Variants in ATG4D observed in about 807,000 individuals in gnomAD.
ATG4D encodes the protein autophagy related 4D cysteine peptidase, also known as cysteine protease ATG4D.
A neutral mutation model predicts 55.2 loss-of-function variants in ATG4D; 51 were observed. The observed-to-expected ratio is 0.92, with a 90% CI of 0.74 to 1.17. The LOEUF (loss-of-function observed/expected upper bound fraction) is 1.17. Among genes scored for constraint, ATG4D ranks in the 50% most tolerant of loss-of-function variants. The pLI is 0.00. For missense variants in ATG4D, 635 were observed against 649.6 expected, an observed-to-expected ratio of 0.98 and a Z score of 0.25; for synonymous variants, 268 against 266.2, an observed-to-expected ratio of 1.01 and a Z score of -0.07.
rs1915991552 is a variant in ATG4D, at chr19:10,545,084, C to G, written c.447C>G (p.Gly149=). The G allele has an allele frequency of 2.5e-6, 4 of 1,612,714 alleles. No homozygotes were observed. The Admixed American group carries it at 5.0e-5, about 20-fold the overall frequency. The change falls in exon 3 of 10, where the codon GGC becomes GGG. Residue 149 remains glycine, a synonymous_variant. Transcript: ENST00000309469. Reference sequence around the variant, plus strand: ...GCTGGGGGTGCATGTTACGCAGCGGCCAGATGATGCTGGCACAGGGCCTTC... The same window carrying G: ...GCTGGGGGTGCATGTTACGCAGCGGGCAGATGATGCTGGCACAGGGCCTTC... The part of the protein sequence containing the change: ...DCGWGCMLRS[G]QMMLAQGLLL...
chr19:10,549,946 GA>G (rs1225082542), intron 6 of ATG4D, among the ~76,000 whole-genome samples: 8 of 152,158 alleles, frequency 5.3e-5, no homozygotes, highest in Non-Finnish European at 7.3e-5. Context: ...AGCACTTTGG[GA>G]GGCCGAGGCA....
chr19:10,547,209 CCGA>C lies in ATG4D; in HGVS notation c.794_796del (p.Asp265del). On this transcript the variant is annotated inframe_deletion, in exon 5 of 10. Transcript: ENST00000309469. ...CCCAGGAAAGCCGTGGAGAGCTGCT[CCGA>C]CGTCACCCGCCTGGTGGTGTACGTT... The C allele has an allele frequency of 6.2e-7, 1 of 1,614,012 alleles. No individual in the cohort carries two copies. The highest frequency in any genetic ancestry group is 1.1e-5 in the South Asian group (1 of 91,072).
Position 10,544,968 on chromosome 19 carries a change from C to G in ATG4D, c.331C>G (p.Arg111Gly), listed in dbSNP as rs1347167708. Reference sequence around the variant, plus strand: ...ACCCGCTCTTGTAGGTGACATACAGCGTTTCCAGCGGGACTTTGTGTCCCG... The same window carrying G: ...ACCCGCTCTTGTAGGTGACATACAGGGTTTCCAGCGGGACTTTGTGTCCCG... ...YRFEGEGDIQ[R>G]FQRDFVSRLW... The change falls in exon 3 of 10, where the codon CGT becomes GGT. Residue 111 changes from arginine (R) to glycine (G), a missense_variant. Physicochemically the swap from Arg to Gly is moderately radical, Grantham distance 125. Transcript: ENST00000309469. 3 of 1,590,572 alleles carry G rather than the reference C, an allele frequency of 1.9e-6. No individual in the cohort carries two copies. The highest frequency in any genetic ancestry group is 2.7e-5 in the African/African-American group (2 of 74,444).
intron 1 of ATG4D, 188 bp from the exon 2 acceptor site, chr19:10,544,595 C>T: frequency 1.6e-6 from 2 of 1,224,418 alleles, no homozygotes; most frequent in Admixed American, 3.1e-5. Context: ...AACTACCTTC[C>T]TTCATCCTGA....
Position 10,552,236 on chromosome 19 carries a change from C to T in ATG4D, c.1154C>T (p.Ala385Val), listed in dbSNP as rs1360325923. 1.2e-6 allele frequency: 2 copies of T among 1,613,316 alleles called. No homozygotes were observed. Among genetic ancestry groups the T allele is most frequent in the Non-Finnish European group, 8.5e-7 (1 of 1,180,030 alleles). Residue 385 changes from alanine to valine, a missense_variant, in exon 9 of 10, where the codon GCC (alanine) becomes GTC (valine). Ala to Val is a moderately conservative substitution (Grantham distance 64). Coordinates refer to ENST00000309469, the MANE Select transcript of ATG4D (RefSeq NM_032885.6). ...SFHCTSPRKM[A>V]FAKMDPSCTV... is the part of the protein sequence containing the mutation. The stretch of plus-strand genomic sequence containing the variant: ...CACTGCACCTCGCCCCGCAAGATGG[C>T]CTTTGCCAAGATGGACCCAAGCTGT...
intron 9 of ATG4D, among the ~76,000 whole-genome samples, 179 bp downstream of exon 9, chr19:10,552,503 G>A (rs1916302932): frequency 2.0e-5 from 3 of 152,214 alleles, no homozygotes; most frequent in South Asian, 2.1e-4. Context: ...AAAGCCCACT[G>A]TTAAGGCATC....
chr19:10,551,568 C>T (rs1393035458), intron 6 of ATG4D, among the ~76,000 whole-genome samples: 3 of 151,882 alleles, frequency 2.0e-5, no homozygotes, highest in Non-Finnish European at 2.9e-5. Context: ...GGTGTGGTGG[C>T]GGGTGCCTGT....
At position 10,544,169 on chromosome 19, in the gene ATG4D, A is replaced by G. The variant is rs1010435225; in HGVS notation, c.79A>G (p.Arg27Gly). ...EDARRRPEAR[R>G]PRGPRGPDPN... ...CGCGCGCCGCCGGCCCGAGGCCCGCAGGCCGCGGGGTCCCAGAGGCCCAGA... is the reference window on the plus strand; with the variant it reads ...CGCGCGCCGCCGGCCCGAGGCCCGCGGGCCGCGGGGTCCCAGAGGCCCAGA... Residue 27 changes from arginine (R) to glycine (G), a missense_variant, in exon 1 of 10, where the codon AGG becomes GGG. Arg to Gly is a moderately radical substitution (Grantham distance 125). Transcript: ENST00000309469. 2 of 1,245,282 alleles carry G rather than the reference A, an allele frequency of 1.6e-6. No homozygotes were observed. Among genetic ancestry groups the G allele is most frequent in the East Asian group, 3.2e-5 (1 of 31,610 alleles). 77.1% of individuals were successfully genotyped at this position (1,245,282 alleles called of 1,614,324 possible).
chr19:10,550,879 T>TTC (rs902770766), intron 6 of ATG4D, among the ~76,000 whole-genome samples: 4 of 151,872 alleles, frequency 2.6e-5, no homozygotes, highest in African/African-American at 9.7e-5. Flanking sequence ...TCCTGGCTAA[T>TTC]TTTTGTATTT....
At position 10,553,156 on chromosome 19, in the gene ATG4D, A is replaced by G; in HGVS notation, c.*89A>G. The G allele has an allele frequency of 1.4e-6, 2 of 1,425,788 alleles. No homozygotes were observed. The highest frequency in any genetic ancestry group is 1.9e-6 in the Non-Finnish European group (2 of 1,074,154). The allele number at this position is 1,425,788 out of a possible 1,614,324, so 88.3% of individuals were successfully genotyped here. On this transcript the variant is annotated 3_prime_UTR_variant, in exon 10 of 10. Transcript: ENST00000309469. ...GGGATCTTGAGCTCTGGCAGTGATG[A>G]TGGTACTTCCTGTTGTCAGCCCCTC...
rs1008529193 is a variant in ATG4D at position 10,544,025 on chromosome 19, T to C, written c.-66T>C. ...CCGGGCCCCGTGAACCGGCTGCGGG[T>C]CGCCCTTGGGGGGCAGCGGCCGCAG... On this transcript the variant is annotated 5_prime_UTR_variant, in exon 1 of 10. Coordinates refer to ENST00000309469, the MANE Select transcript of ATG4D (RefSeq NM_032885.6). 9.5e-4 allele frequency: 1,064 copies of C among 1,120,078 alleles called. 1 individual carries two copies. The highest frequency in any genetic ancestry group is 1.1e-3 in the Non-Finnish European group (1,006 of 888,790). 69.4% of individuals were successfully genotyped at this position (1,120,078 alleles called of 1,614,324 possible).
intron 6 of ATG4D, among the ~76,000 whole-genome samples, chr19:10,549,714 C>T (rs750028972): frequency 3.3e-5 from 5 of 152,166 alleles, no homozygotes; most frequent in African/African-American, 9.6e-5. Context: ...CCACCACGCC[C>T]GGCCCATCCC....
rs1020438514 is a variant in ATG4D at position 10,544,172 on chromosome 19, C to T, written c.82C>T (p.Pro28Ser). 1.6e-6 allele frequency: 2 copies of T among 1,245,564 alleles called. No individual in the cohort carries two copies. Among genetic ancestry groups the T allele is most frequent in the Non-Finnish European group, 2.0e-6 (2 of 987,694 alleles). The allele number at this position is 1,245,564 out of a possible 1,614,324, so 77.2% of individuals were successfully genotyped here. Residue 28 changes from proline to serine, a missense_variant, in exon 1 of 10, where the codon CCG becomes TCG. Physicochemically the swap from Pro to Ser is moderately conservative, Grantham distance 74 (BLOSUM62 -1). Transcript: ENST00000309469. ...GCGCCGCCGGCCCGAGGCCCGCAGGCCGCGGGGTCCCAGAGGCCCAGACCC... is the reference window on the plus strand; with the variant it reads ...GCGCCGCCGGCCCGAGGCCCGCAGGTCGCGGGGTCCCAGAGGCCCAGACCC... ...DARRRPEARR[P>S]RGPRGPDPNG...
Position 10,547,065 on chromosome 19 carries a change from C to A in ATG4D, c.720C>A (p.Gly240=). ...HRLVELGQSS[G]KKAGDWYGPS... The stretch of plus-strand genomic sequence containing the variant: ...TGGTGGAGCTTGGGCAGAGCTCAGG[C>A]AAGAAGGCAGGTGACTGGTATGGGC... The change falls in exon 4 of 10, where the codon GGC becomes GGA. Residue 240 remains glycine, a synonymous_variant. Coordinates refer to ENST00000309469, the MANE Select transcript of ATG4D (RefSeq NM_032885.6). 6.3e-7 allele frequency: 1 copy of A among 1,591,302 alleles called. No individual in the cohort carries two copies.
At position 10,546,821 on chromosome 19, in the gene ATG4D, T is replaced by C; in HGVS notation, c.494-18T>C. ...CCCACACACTAGCACTGTTTGACTA[T>C]GTGCTCCATTCCACCAGACTGGACA... On this transcript the variant is annotated intron_variant, in intron 3 of 9. Transcript: ENST00000309469. 6.4e-7 allele frequency: 1 copy of C among 1,553,874 alleles called. No individual in the cohort carries two copies. Among genetic ancestry groups the C allele is most frequent in the Non-Finnish European group, 8.7e-7 (1 of 1,146,870 alleles).
At position 10,552,187 on chromosome 19, in the gene ATG4D, C is replaced by G. The variant is rs1916281415; in HGVS notation, c.1123-18C>G. 20 of 1,611,208 alleles carry G rather than the reference C, an allele frequency of 1.2e-5. No individual in the cohort carries two copies. Among genetic ancestry groups the G allele is most frequent in the Non-Finnish European group, 1.7e-5 (20 of 1,179,996 alleles). ...TGGGCAGCCCAGCCTCTGAGCCTTC[C>G]TCGTCTGTCTGCCCCAGTCCTTCCA... On this transcript the variant is annotated intron_variant, in intron 8 of 9. Transcript: ENST00000309469.
chr19:10,549,192 C>T (rs940887808), intron 6 of ATG4D, among the ~76,000 whole-genome samples, 158 bp downstream of exon 6: 3 of 151,466 alleles, frequency 2.0e-5, no homozygotes, highest in African/African-American at 7.3e-5. Flanking sequence ...AACGTGATCT[C>T]GGCTCGCTGC....
chr19:10,544,332 A>AG lies in ATG4D; in HGVS notation c.235+12dup. ...TGGAACAACGTCAAGTACGGTGAGG[A>AG]GGGGGCCCGGAGATCGTGGGGGTGT... On this transcript the variant is annotated splice_region_variant and intron_variant, in intron 1 of 9. Coordinates refer to ENST00000309469, the MANE Select transcript of ATG4D (RefSeq NM_032885.6). 1 of 1,316,972 alleles carries AG rather than the reference A, an allele frequency of 7.6e-7. No homozygotes were observed. The highest frequency in any genetic ancestry group is 2.8e-5 in the South Asian group (1 of 35,426). 81.6% of individuals were successfully genotyped at this position (1,316,972 alleles called of 1,614,324 possible).
rs201291151 is a variant in ATG4D at position 10,552,265 on chromosome 19, G to A, written c.1183G>A (p.Val395Met). The A allele has an allele frequency of 8.4e-5, 136 of 1,613,668 alleles. No individual in the cohort carries two copies. The Admixed American group carries it at 1.5e-3, about 18-fold the overall frequency. Residue 395 changes from valine (V) to methionine (M), a missense_variant, in exon 9 of 10, where the codon GTG (valine) becomes ATG (methionine). Transcript: ENST00000309469. Reference protein sequence around the residue: ...AFAKMDPSCTVGFYAGDRKEF... With the variant: ...AFAKMDPSCTMGFYAGDRKEF... ...TGCCAAGATGGACCCAAGCTGTACCGTGGGCTTCTATGCTGGAGACAGGAA... is the reference window on the plus strand; with the variant it reads ...TGCCAAGATGGACCCAAGCTGTACCATGGGCTTCTATGCTGGAGACAGGAA...
Sources: gnomAD v4.1 joint callset for allele counts (sites outside exome capture counted in the v4.1 genomes callset) on GRCh38, gnomAD v4.1.1 for gene constraint, MANE v1.5 for transcripts, NCBI Gene and HGNC (gene_info 2026-07-23, HGNC 2026-07-21) for gene names.